Variants in BCL2L13 observed in about 807,000 individuals in gnomAD.
BCL2L13 encodes BCL2 like 13.
Under a neutral mutation model 25.8 loss-of-function variants are expected in BCL2L13, and 13 were observed. The observed-to-expected ratio is 0.50, with a 90% CI of 0.33 to 0.80. The LOEUF (loss-of-function observed/expected upper bound fraction) is 0.80, where lower values mean the gene tolerates loss of function less well. Among genes scored for constraint, BCL2L13 ranks in the 30% least tolerant of loss-of-function variants. BCL2L13 has a pLI of 0.02. For missense variants in BCL2L13, 504 were observed against 574.9 expected (o/e 0.88, Z 1.26); for synonymous variants, 244 against 230.3 (o/e 1.06, Z -0.54).
intron 4 of BCL2L13, among the ~76,000 whole-genome samples, chr22:17,691,555 A>G (rs530402923): frequency 2.6e-5 from 4 of 152,162 alleles, no homozygotes; most frequent in Non-Finnish European, 4.4e-5. Flanking sequence ...CTGAGGCAGG[A>G]GAATGGTGTG....
intron 6 of BCL2L13, among the ~76,000 whole-genome samples, chr22:17,714,805 C>T (rs1488996377): frequency 6.6e-6 from 1 of 151,934 alleles, no homozygotes; most frequent in Non-Finnish European, 1.5e-5. Context: ...ATTTCCTCTT[C>T]AGAGAGACTT....
chr22:17,681,488 G>T (rs1219080143), intron 2 of BCL2L13, among the ~76,000 whole-genome samples: 1 of 149,206 alleles, frequency 6.7e-6, no homozygotes, highest in African/African-American at 2.5e-5. Context: ...GACAGAGCGA[G>T]ACTCCGTCTG....
At chr22:17,703,347 A>AT (rs2060496657) in intron 6 of BCL2L13, 1 of 152,136 alleles carries the variant, frequency 6.6e-6, no homozygotes, top group African/African-American at 2.4e-5. Flanking sequence ...TATTTTGTCT[A>AT]ATTATTTACT....
intron 4 of BCL2L13, among the ~76,000 whole-genome samples, chr22:17,692,765 T>C (rs1286347677): frequency 6.6e-6 from 1 of 152,212 alleles, no homozygotes; most frequent in Non-Finnish European, 1.5e-5. Context: ...TGCGATTCAA[T>C]GCAAGTCACA....
chr22:17,684,695 C>A, intron 3 of BCL2L13: 1 of 436,104 alleles, frequency 2.3e-6, no homozygotes, highest in Non-Finnish European at 4.6e-6. Context: ...TCCTGAGTAG[C>A]CAGGATTACA....
intron 3 of BCL2L13, among the ~76,000 whole-genome samples, chr22:17,684,946 A>G (rs546128389): frequency 3.9e-5 from 6 of 151,956 alleles, no homozygotes; most frequent in South Asian, 4.2e-4. Flanking sequence ...GTTAGCCAGG[A>G]TGGTCTCGTT....
At chr22:17,703,170 T>TACACACACACACACACAC (rs985534035) in intron 6 of BCL2L13, 1 of 135,224 alleles carries the variant, frequency 7.4e-6, no homozygotes, top group African/African-American at 2.8e-5. Flanking sequence ...AAAATATATA[T>TACACACACACACACACAC]ATACACACAC....
rs1568992022 is a variant in BCL2L13, at chr22:17,702,294, CGTG to C, written c.511_513del (p.Gly171del). ...ACAAATGCTTTTGGAATTGACAAGA[CGTG>C]GTCAAGAACCTTTGAGCGCACTGCT... On this transcript the variant is annotated inframe_deletion, in exon 6 of 7. Coordinates refer to ENST00000317582, the MANE Select transcript of BCL2L13 (RefSeq NM_015367.4). 6.2e-7 allele frequency: 1 copy of C among 1,611,738 alleles called. No individual in the cohort carries two copies.
intron 2 of BCL2L13, among the ~76,000 whole-genome samples, chr22:17,664,950 G>C (rs1057356968): frequency 4.6e-5 from 7 of 152,228 alleles, no homozygotes; most frequent in Non-Finnish European, 1.0e-4. Flanking sequence ...GAGCTGCTTG[G>C]AAGGTTTCTG....
intron 4 of BCL2L13, among the ~76,000 whole-genome samples, chr22:17,693,886 T>C (rs2060189440): frequency 6.6e-6 from 1 of 151,982 alleles, no homozygotes; most frequent in African/African-American, 2.4e-5. Context: ...TAGAGGCGAG[T>C]GCCACCACAC....
intron 1 of BCL2L13, among the ~76,000 whole-genome samples, chr22:17,641,128 G>C (rs1016465576): frequency 6.6e-6 from 1 of 151,970 alleles, no homozygotes; most frequent in African/African-American, 2.4e-5. Flanking sequence ...CTGACCTCGC[G>C]ATCTGCCCGC....
rs1377400559 is a variant in BCL2L13, at chr22:17,642,132, T to G, written c.-51+3246T>G. On this transcript the variant is annotated intron_variant, in intron 1 of 6. Coordinates refer to ENST00000317582, the MANE Select transcript of BCL2L13 (RefSeq NM_015367.4). Reference sequence around the variant, plus strand: ...GTCTTTTGTGTCTGGCTTCTCTCTTTTTTTTTTTTTTTTTTTTTGAGACGG... The same window carrying G: ...GTCTTTTGTGTCTGGCTTCTCTCTTGTTTTTTTTTTTTTTTTTTGAGACGG... Among the ~76,000 whole-genome samples, 9 of 114,742 alleles carry G rather than the reference T, an allele frequency of 7.8e-5. No homozygotes were observed. In the East Asian group the frequency reaches 1.8e-3, roughly 23 times the overall value. 75.3% of individuals were successfully genotyped at this position (114,742 alleles called of 152,430 possible).
intron 6 of BCL2L13, among the ~76,000 whole-genome samples, chr22:17,707,345 G>A (rs930148458): frequency 2.0e-5 from 3 of 152,260 alleles, no homozygotes; most frequent in East Asian, 3.9e-4. Context: ...TCTGAGAGGC[G>A]CATTTGGTTA....
At chr22:17,686,771 A>G (rs1358223940) in intron 3 of BCL2L13, among the ~76,000 whole-genome samples, 3 of 152,090 alleles carry the variant, frequency 2.0e-5, no homozygotes, top group African/African-American at 7.2e-5. Context: ...GGCCTCCCAA[A>G]GTGCTGGGAT....
At chr22:17,654,290 G>T (rs1179797721) in intron 1 of BCL2L13, among the ~76,000 whole-genome samples, 1 of 151,958 alleles carries the variant, frequency 6.6e-6, no homozygotes, top group Non-Finnish European at 1.5e-5. Flanking sequence ...TTTATTTAGA[G>T]ACAAGGTTTT....
At chr22:17,645,370 C>G (rs1207260958) in intron 1 of BCL2L13, among the ~76,000 whole-genome samples, 2 of 150,240 alleles carry the variant, frequency 1.3e-5, no homozygotes, top group Admixed American at 6.6e-5. Context: ...TACAGGCACA[C>G]ACCATCACGC....
chr22:17,635,927 T>G (rs902205394), upstream of BCL2L13, among the ~76,000 whole-genome samples: 1 of 149,778 alleles, frequency 6.7e-6, no homozygotes, highest in Non-Finnish European at 1.5e-5. Flanking sequence ...GCCAGGATGG[T>G]CTCCATCTCC....
chr22:17,727,758 A>G lies in BCL2L13; in HGVS notation c.*224A>G. ...GGCCTCCGCTCATGCTAAATTGAGA[A>G]TCTTAGGGGTAAAGCACCCCCTCCA... On this transcript the variant is annotated 3_prime_UTR_variant, in exon 7 of 7. Transcript: ENST00000317582. The G allele has an allele frequency of 1.6e-6, 1 of 614,908 alleles. No individual in the cohort carries two copies. 38.1% of individuals were successfully genotyped at this position (614,908 alleles called of 1,614,324 possible). A position where few individuals can be genotyped will look rare whatever the true frequency, so the allele number is the denominator to read the frequency against.
chr22:17,656,863 G>T (rs945172475), intron 2 of BCL2L13, among the ~76,000 whole-genome samples: 2 of 152,104 alleles, frequency 1.3e-5, no homozygotes, highest in African/African-American at 4.8e-5. Flanking sequence ...CTGTTGCCCA[G>T]GCTGGAGTGT....
Sources: gnomAD v4.1 joint callset for allele counts (sites outside exome capture counted in the v4.1 genomes callset) on GRCh38, gnomAD v4.1.1 for gene constraint, MANE v1.5 for transcripts, NCBI Gene and HGNC (gene_info 2026-07-23, HGNC 2026-07-21) for gene names.